MAP1B: variants seen among roughly 807,000 people sequenced by gnomAD.
MAP1B encodes microtubule associated protein 1B.
A neutral mutation model predicts 176.1 loss-of-function variants in MAP1B; 12 were observed. That is an observed-to-expected ratio of 0.07 (90% CI 0.04 to 0.11). The LOEUF (loss-of-function observed/expected upper bound fraction) is 0.11, where lower values mean the gene tolerates loss of function less well. Among genes scored for constraint, MAP1B ranks in the 10% least tolerant of loss-of-function variants. The pLI, the probability that MAP1B is intolerant of heterozygous loss-of-function variation, is 1.00. For missense variants in MAP1B, 2,523 were observed against 2,990.5 expected, an observed-to-expected ratio of 0.84 and a Z score of 3.65; for synonymous variants, 1,044 against 1,135.0, an observed-to-expected ratio of 0.92 and a Z score of 1.61.
At chr5:72,161,830 G>T (rs11954871) in intron 2 of MAP1B, among the ~76,000 whole-genome samples, 1 of 151,840 alleles carries the variant, frequency 6.6e-6, no homozygotes, top group East Asian at 1.9e-4. Context: ...AGTAGTGGGC[G>T]TCTGTAATCC....
intron 2 of MAP1B, among the ~76,000 whole-genome samples, chr5:72,130,401 T>C (rs1328323223): frequency 6.6e-6 from 1 of 152,226 alleles, no homozygotes; most frequent in Non-Finnish European, 1.5e-5. Context: ...CTTAGAATAG[T>C]GCCAGGCATG....
At chr5:72,135,364 G>A (rs1205804002) in intron 2 of MAP1B, among the ~76,000 whole-genome samples, 3 of 152,088 alleles carry the variant, frequency 2.0e-5, no homozygotes, top group Non-Finnish European at 4.4e-5. Flanking sequence ...AGTGTTCTGA[G>A]GTGACCTTAT....
At chr5:72,165,128 G>A (rs1365558270) in intron 2 of MAP1B, among the ~76,000 whole-genome samples, 2 of 152,192 alleles carry the variant, frequency 1.3e-5, no homozygotes, top group Non-Finnish European at 2.9e-5. Context: ...CTAATTTGTA[G>A]TGGATTCCTT....
chr5:72,124,445 G>A (rs192281843), intron 2 of MAP1B, among the ~76,000 whole-genome samples: 64 of 152,322 alleles, frequency 4.2e-4, no homozygotes, highest in Admixed American at 1.6e-3. Context: ...CAACAAGAGC[G>A]TCTACATGTG....
At chr5:72,108,009 G>C (rs772330252) in intron 1 of MAP1B, among the ~76,000 whole-genome samples, 2 of 152,228 alleles carry the variant, frequency 1.3e-5, no homozygotes, top group African/African-American at 2.4e-5. Flanking sequence ...GCAGGTGTCA[G>C]GGGAGCAGAG....
At chr5:72,175,635 A>G (rs1746638075) in intron 2 of MAP1B, among the ~76,000 whole-genome samples, 1 of 152,238 alleles carries the variant, frequency 6.6e-6, no homozygotes, top group Non-Finnish European at 1.5e-5. Context: ...AATTTTTAAT[A>G]GGGAGAAGAA....
Position 72,203,753 on chromosome 5 carries a change from C to T in MAP1B, c.7203C>T (p.Val2401=), listed in dbSNP as rs760639368. 6.2e-6 allele frequency: 10 copies of T among 1,613,278 alleles called. No individual in the cohort carries two copies. The Admixed American group carries it at 1.5e-4, about 24-fold the overall frequency. Residue 2401 remains valine (V), a synonymous_variant, in exon 6 of 7, where the codon GTC becomes GTT. Transcript: ENST00000296755. The part of the protein sequence containing the change: ...DPAAEEPSRA[V]LDALLEGKAQ... ...CTGCTGAGGAGCCCAGCCGGGCTGT[C>T]CTGGACGCTTTGTTGGAAGGAAAGG...
intron 2 of MAP1B, among the ~76,000 whole-genome samples, chr5:72,159,976 T>C (rs1354876601): frequency 6.6e-6 from 1 of 152,200 alleles, no homozygotes; most frequent in Non-Finnish European, 1.5e-5. Context: ...TGCCTTGTCT[T>C]CCTCCAGCGT....
rs188565541 is a variant in MAP1B at position 72,162,704 on chromosome 5, G to C, written c.287-21039G>C. Reference sequence around the variant, plus strand: ...CACACATTGTGCGGGACCCAACATAGTAGGGACTTGGTAAATGTTAAACCA... The same window carrying C: ...CACACATTGTGCGGGACCCAACATACTAGGGACTTGGTAAATGTTAAACCA... On this transcript the variant is annotated intron_variant, in intron 2 of 6. Transcript: ENST00000296755. 3.1e-4 allele frequency among the ~76,000 whole-genome samples: 47 copies of C among 152,238 alleles called. 1 individual carries two copies. In the East Asian group the frequency reaches 8.5e-3, roughly 28 times the overall value.
intron 2 of MAP1B, among the ~76,000 whole-genome samples, chr5:72,156,307 C>T (rs1275150220): frequency 1.3e-5 from 2 of 152,176 alleles, no homozygotes; most frequent in Non-Finnish European, 2.9e-5. Context: ...ATTTCTTAAG[C>T]CCTCTCTTGG....
rs201174373 is a variant in MAP1B at position 72,196,289 on chromosome 5, C to G, written c.2934C>G (p.Ala978=). ...KHSPTEDEES[A]KAEADAYIRE... is the part of the protein sequence containing the mutation. ...GCCCCACTGAGGATGAGGAAAGTGC[C>G]AAGGCGGAGGCTGATGCATACATCA... Residue 978 remains alanine, a synonymous_variant, in exon 5 of 7, where the codon GCC becomes GCG. Transcript: ENST00000296755. This position sits in a 1 kb window ranked among gnomAD's most constrained non-coding sequence, Gnocchi z 5.3. 5.0e-6 allele frequency: 8 copies of G among 1,613,800 alleles called. No individual in the cohort carries two copies. Among genetic ancestry groups the G allele is most frequent in the Admixed American group, 1.7e-5 (1 of 59,988 alleles).
At chr5:72,111,791 T>A (rs1745348010) in intron 1 of MAP1B, among the ~76,000 whole-genome samples, 1 of 152,148 alleles carries the variant, frequency 6.6e-6, no homozygotes, top group Non-Finnish European at 1.5e-5. Flanking sequence ...AGTTATAACT[T>A]TTTAGACAAG....
At position 72,195,527 on chromosome 5, in the gene MAP1B, A is replaced by G; in HGVS notation, c.2172A>G (p.Glu724=). ...AAGAGAAGAAGGAAGTGAAAAAGGA[A>G]GAAAAGGAACCCAAAAAAGAAATTA... ...KKEEKKEVKK[E]EKEPKKEIKK... Residue 724 remains glutamate, a synonymous_variant, in exon 5 of 7, where the codon GAA becomes GAG. Transcript: ENST00000296755. The G allele has an allele frequency of 6.3e-7, 1 of 1,589,124 alleles. No individual in the cohort carries two copies.
chr5:72,191,208 C>A (rs1036830121), intron 4 of MAP1B, among the ~76,000 whole-genome samples: 10 of 152,184 alleles, frequency 6.6e-5, no homozygotes, highest in Non-Finnish European at 1.2e-4. Flanking sequence ...AACTAAGATA[C>A]AAAGATACAG....
intron 2 of MAP1B, among the ~76,000 whole-genome samples, chr5:72,152,853 A>G (rs966980414): frequency 6.6e-6 from 1 of 152,178 alleles, no homozygotes; most frequent in African/African-American, 2.4e-5. Context: ...GTGGACATAC[A>G]GTGGCTGCAG....
chr5:72,157,286 C>A (rs557144182), intron 2 of MAP1B, among the ~76,000 whole-genome samples: 1 of 152,274 alleles, frequency 6.6e-6, no homozygotes, highest in South Asian at 2.1e-4. Flanking sequence ...CTGAGAGGCC[C>A]TGTAAGTGCA....
chr5:72,152,077 C>A (rs976259652), intron 2 of MAP1B, among the ~76,000 whole-genome samples: 1 of 152,198 alleles, frequency 6.6e-6, no homozygotes, highest in African/African-American at 2.4e-5. Context: ...CCAGGTTTTC[C>A]ACTGAATGTC....
At chr5:72,133,297 C>T (rs1056257938) in intron 2 of MAP1B, among the ~76,000 whole-genome samples, 2 of 152,204 alleles carry the variant, frequency 1.3e-5, no homozygotes, top group Admixed American at 1.3e-4. Flanking sequence ...CAGGCTGTAA[C>T]GCAGAACAGC....
intron 2 of MAP1B, among the ~76,000 whole-genome samples, chr5:72,173,801 G>C (rs1014732407): frequency 3.9e-5 from 6 of 152,232 alleles, no homozygotes; most frequent in African/African-American, 4.8e-5. Context: ...AGTGAAAAGA[G>C]AGTGGGGATC....
Sources: gnomAD v4.1 joint callset for allele counts (sites outside exome capture counted in the v4.1 genomes callset) on GRCh38, gnomAD v4.1.1 for gene constraint, Gnocchi (gnomAD v3.1) non-coding constraint, MANE v1.5 for transcripts, NCBI Gene and HGNC (gene_info 2026-07-23, HGNC 2026-07-21) for gene names.